The following GLB1L2 variants were observed in gnomAD, a reference collection of about 807,000 sequenced individuals.
GLB1L2 encodes beta-galactosidase-1-like protein 2.
GLB1L2 carries 68 observed loss-of-function variants against 84.1 expected under a neutral mutation model. The ratio of observed to expected loss-of-function variants is 0.81; its 90% CI spans 0.67 to 0.99. The LOEUF is 0.99. GLB1L2 is among the 50% of genes least tolerant of loss of function. GLB1L2 has a pLI of 0.00. For missense variants in GLB1L2, 762 were observed against 805.6 expected (o/e 0.95, Z 0.66); for synonymous variants, 290 against 318.0 (o/e 0.91, Z 0.94).
chr11:134,350,444 C>A (rs1943609664), intron 5 of GLB1L2, among the ~76,000 whole-genome samples: 1 of 152,210 alleles, frequency 6.6e-6, no homozygotes, highest in Non-Finnish European at 1.5e-5. Flanking sequence ...ACTGTGCTCT[C>A]CCTTCCCCAA....
intron 16 of GLB1L2, 85 bp from the exon 17 acceptor site, chr11:134,374,060 G>A (rs1025912589): frequency 1.3e-5 from 13 of 990,526 alleles, no homozygotes; most frequent in Non-Finnish European, 1.9e-5. Context: ...ATGGGGAAAC[G>A]GTGTCAGGGC....
intron 8 of GLB1L2, chr11:134,365,193 G>T (rs1392975970): frequency 1.3e-5 from 2 of 152,308 alleles, no homozygotes; most frequent in African/African-American, 4.8e-5. Flanking sequence ...CATCTGCGTG[G>T]AGCCACCACA....
chr11:134,373,573 A>G, intron 15 of GLB1L2, 148 bp from the exon 16 acceptor site: 1 of 627,322 alleles, frequency 1.6e-6, no homozygotes. Context: ...GGGAGCGTAC[A>G]CTTCAGTACC....
Position 134,360,440 on chromosome 11 carries a change from C to T in GLB1L2, c.733+1299C>T, listed in dbSNP as rs61908676. ...CCCCACGGCTTCCACGCGGTGGCGC[C>T]GTCTCCCCACGGCTGCTTCCAAGGC... On this transcript the variant is annotated intron_variant, in intron 7 of 18. Transcript: ENST00000535456. The T allele has an allele frequency of 5.4e-3, 818 of 152,414 alleles. 4 individuals carry two copies. Among genetic ancestry groups the T allele is most frequent in the Middle Eastern group, 0.01 (3 of 294 alleles). 9.4% of individuals were successfully genotyped at this position (152,414 alleles called of 1,614,324 possible). A position where few individuals can be genotyped will look rare whatever the true frequency, so the allele number is the denominator to read the frequency against.
chr11:134,359,217 G>A (rs1943749060), intron 7 of GLB1L2, 76 bp downstream of exon 7: 7 of 987,568 alleles, frequency 7.1e-6, no homozygotes, highest in African/African-American at 3.3e-5. Flanking sequence ...CTGTGGGACT[G>A]CGACCCAAGT....
chr11:134,342,740 C>T lies in GLB1L2; in HGVS notation c.87-14C>T. The T allele has an allele frequency of 6.2e-7, 1 of 1,611,724 alleles. No homozygotes were observed. Among genetic ancestry groups the T allele is most frequent in the Non-Finnish European group, 8.5e-7 (1 of 1,178,958 alleles). On this transcript the variant is annotated splice_polypyrimidine_tract_variant and intron_variant, in intron 1 of 18. Coordinates refer to ENST00000535456, the MANE Select transcript of GLB1L2 (RefSeq NM_001370461.1). ...CCGGAGCCTCCAGGCTCCAGAATGTCTTTGTCTTTCCAGGCTGGACTGGAG... is the reference window on the plus strand; with the variant it reads ...CCGGAGCCTCCAGGCTCCAGAATGTTTTTGTCTTTCCAGGCTGGACTGGAG...
intron 1 of GLB1L2, among the ~76,000 whole-genome samples, chr11:134,333,421 G>C (rs1215278855): frequency 6.6e-6 from 1 of 152,194 alleles, no homozygotes; most frequent in African/African-American, 2.4e-5. Flanking sequence ...ATTACTCAGA[G>C]CAGCGGCAGC....
intron 1 of GLB1L2, 74 bp from the exon 2 acceptor site, chr11:134,342,680 C>A: frequency 6.9e-7 from 1 of 1,440,448 alleles, no homozygotes; most frequent in South Asian, 1.3e-5. Context: ...TGCCGAGGAC[C>A]TGCGAAGGGG....
intron 15 of GLB1L2, among the ~76,000 whole-genome samples, chr11:134,372,864 T>C (rs1438016145): frequency 6.6e-6 from 1 of 152,160 alleles, no homozygotes; most frequent in Admixed American, 6.5e-5. Flanking sequence ...CACACTCCTT[T>C]ACCCTAGACA....
At chr11:134,332,246 C>CG (rs902185035) in intron 1 of GLB1L2, 99 bp downstream of exon 1, 2 of 816,414 alleles carry the variant, frequency 2.4e-6, no homozygotes, top group South Asian at 1.7e-5. Context: ...CCCGAGTTCC[C>CG]GGGGGGAGCA....
At position 134,374,716 on chromosome 11, in the gene GLB1L2, C is replaced by T. The variant is rs1405940548; in HGVS notation, c.1822C>T (p.Gln608Ter). Residue 608 changes from glutamine to a stop codon, truncating the protein, a stop_gained and splice_region_variant, in exon 18 of 19, where the codon CAG becomes TAG. Coordinates refer to ENST00000535456, the MANE Select transcript of GLB1L2 (RefSeq NM_001370461.1). LOFTEE classifies it high-confidence loss of function. Reference protein sequence around the residue: ...PGPWLSSGINQVIVFEETMAG... With the variant: ...PGPWLSSGIN The stretch of plus-strand genomic sequence containing the variant: ...TCCCTGGTTGAGCAGCGGAATCAAC[C>T]AGGTGGGAGCTTCCAGCCCCTTCCT... The T allele has an allele frequency of 1.3e-5, 21 of 1,609,944 alleles. No homozygotes were observed. Among genetic ancestry groups the T allele is most frequent in the Non-Finnish European group, 1.6e-5 (19 of 1,176,482 alleles).
At chr11:134,346,043 C>G (rs1389255244) in intron 4 of GLB1L2, among the ~76,000 whole-genome samples, 1 of 152,136 alleles carries the variant, frequency 6.6e-6, no homozygotes, top group Admixed American at 6.5e-5. Context: ...TCTCAGCCTC[C>G]CAGTGTACCA....
At chr11:134,368,844 A>C (rs929022136) in intron 10 of GLB1L2, 63 bp downstream of exon 10, 7 of 1,574,634 alleles carry the variant, frequency 4.4e-6, no homozygotes, top group Non-Finnish European at 6.1e-6. Flanking sequence ...GGGACTTGCT[A>C]TGGAGAGGCC....
intron 3 of GLB1L2, 61 bp downstream of exon 3, chr11:134,344,516 G>C: frequency 1.3e-6 from 2 of 1,579,354 alleles, no homozygotes; most frequent in South Asian, 2.2e-5. Flanking sequence ...TGGCTACTGG[G>C]GTGGATTAGC....
intron 8 of GLB1L2, among the ~76,000 whole-genome samples, chr11:134,366,271 A>G (rs1943866405): frequency 6.6e-6 from 1 of 152,242 alleles, no homozygotes; most frequent in African/African-American, 2.4e-5. Context: ...CTTGGAAGGT[A>G]GGTGGCTTGT....
chr11:134,373,571 A>ACCCTTCCCACGGCTTCC (rs1943984935), intron 15 of GLB1L2, 150 bp from the exon 16 acceptor site: 14 of 626,062 alleles, frequency 2.2e-5, no homozygotes, highest in Middle Eastern at 8.8e-4. Flanking sequence ...CAGGGAGCGT[A>ACCCTTCCCACGGCTTCC]CACTTCAGTA....
At chr11:134,369,978 A>G in intron 11 of GLB1L2, 93 bp downstream of exon 11, 5 of 1,037,566 alleles carry the variant, frequency 4.8e-6, no homozygotes, top group Non-Finnish European at 7.4e-6. Flanking sequence ...TCCCACCTCG[A>G]CCCCAGTTGA....
At chr11:134,373,995 C>T (rs1943991931) in intron 16 of GLB1L2, 150 bp from the exon 17 acceptor site, 2 of 729,028 alleles carry the variant, frequency 2.7e-6, no homozygotes, top group Non-Finnish European at 2.4e-6. Flanking sequence ...TAGGAATTCC[C>T]AGCATCCTAC....
In GLB1L2 at chr11:134,334,887, A is replaced by C. The variant is rs1943358076; in HGVS notation, c.86+2740A>C. On this transcript the variant is annotated intron_variant, in intron 1 of 18. Transcript: ENST00000535456. The surrounding 1 kb of genome is among the most constrained non-coding windows in gnomAD (Gnocchi z 4.1). ...TTCTCTTCCTATTCGCACTCCATGA[A>C]CACAAGAATGCCTGCTTGATATTAT... Among the ~76,000 whole-genome samples the C allele has an allele frequency of 6.6e-6, 1 of 152,148 alleles. No homozygotes were observed. The highest frequency in any genetic ancestry group is 6.5e-5 in the Admixed American group (1 of 15,280).
Sources: allele counts gnomAD v4.1 joint callset (sites outside exome capture counted in the v4.1 genomes callset), GRCh38; gene constraint gnomAD v4.1.1; non-coding constraint Gnocchi (gnomAD v3.1); transcripts MANE v1.5; gene names NCBI Gene and HGNC (gene_info 2026-07-23, HGNC 2026-07-21).